The following CCDC66 variants were observed in gnomAD, a reference collection of about 807,000 sequenced individuals.
The protein encoded by CCDC66 is coiled-coil domain-containing protein 66.
A neutral mutation model predicts 128.3 loss-of-function variants in CCDC66; 133 were observed. The observed-to-expected ratio is 1.04, with a 90% CI of 0.90 to 1.20. The LOEUF is 1.20. CCDC66 is among the 50% of genes most tolerant of loss of function. The pLI is 0.00. For synonymous variants in CCDC66, 387 were observed against 357.0 expected (o/e 1.08, Z -0.95); for missense variants, 1,126 against 1,075.5 (o/e 1.05, Z -0.66).
chr3:56,580,139 A>G (rs1469268438), intron 7 of CCDC66, among the ~76,000 whole-genome samples: 1 of 151,778 alleles, frequency 6.6e-6, no homozygotes, highest in Non-Finnish European at 1.5e-5. Context: ...CTTCTTGTTG[A>G]ATTGATCCCT....
chr3:56,595,043 A>G (rs936660323), intron 10 of CCDC66, among the ~76,000 whole-genome samples: 2 of 152,228 alleles, frequency 1.3e-5, no homozygotes, highest in Admixed American at 6.5e-5. Context: ...CTTCACTTAT[A>G]TAAATAATAC....
At chr3:56,573,840 A>ACAT (rs1553672846) in intron 7 of CCDC66, among the ~76,000 whole-genome samples, 1 of 151,426 alleles carries the variant, frequency 6.6e-6, no homozygotes, top group Non-Finnish European at 1.5e-5. Flanking sequence ...CTTGGCCAAG[A>ACAT]GATCCATTCA....
At chr3:56,567,890 C>G (rs899975733) in intron 6 of CCDC66, among the ~76,000 whole-genome samples, 2 of 151,970 alleles carry the variant, frequency 1.3e-5, no homozygotes, top group African/African-American at 4.8e-5. Context: ...CGGGGTTTCA[C>G]TGTGTTAGCC....
chr3:56,612,668 G>A (rs1338370866), intron 10 of CCDC66, among the ~76,000 whole-genome samples: 2 of 152,136 alleles, frequency 1.3e-5, no homozygotes, highest in South Asian at 2.1e-4. Flanking sequence ...AATGGGCTGC[G>A]TGGGCCAGTC....
At chr3:56,619,753 C>G in intron 16 of CCDC66, 24 bp from the exon 17 acceptor site, 1 of 1,611,954 alleles carries the variant, frequency 6.2e-7, no homozygotes, top group Non-Finnish European at 8.5e-7. Context: ...AATTGACTGA[C>G]TTGTTACTTT....
chr3:56,616,621 T>G (rs1406782655), intron 13 of CCDC66: 1 of 155,564 alleles, frequency 6.4e-6, no homozygotes, highest in Non-Finnish European at 1.4e-5. Flanking sequence ...AACATTCATA[T>G]ATAGATTTTT....
At chr3:56,608,568 A>G (rs1258094223) in intron 10 of CCDC66, among the ~76,000 whole-genome samples, 2 of 123,658 alleles carry the variant, frequency 1.6e-5, no homozygotes, top group African/African-American at 2.9e-5. Context: ...TTTTCAAAGA[A>G]CCAGCTTTTT....
rs1356520485 is a variant in CCDC66, at chr3:56,587,888, TAAAAA to T, written c.937-5079_937-5075del. Among the ~76,000 whole-genome samples the T allele has an allele frequency of 6.6e-5, 10 of 151,970 alleles. No individual in the cohort carries two copies. The South Asian group carries it at 1.7e-3, about 25-fold the overall frequency. ...TCAAAAAATAAAAGTAAAATAAAAA[TAAAAA>T]AAGAACCAAAAGTAGAACTACCATT... On this transcript the variant is annotated intron_variant, in intron 7 of 17. Coordinates refer to ENST00000394672, the MANE Select transcript of CCDC66 (RefSeq NM_001141947.3).
Position 56,612,326 on chromosome 3 carries a change from G to A in CCDC66, c.1405-1263G>A, listed in dbSNP as rs2074951858. Among the ~76,000 whole-genome samples, 3 of 152,292 alleles carry A rather than the reference G, an allele frequency of 2.0e-5. No individual in the cohort carries two copies. In the South Asian group the frequency reaches 6.2e-4, roughly 32 times the overall value. Reference sequence around the variant, plus strand: ...TCTGTAATTTCCTTGGTGGCTTAGGGTGCAGTTGTTCGTGGAGGCTGTGGT... The same window carrying A: ...TCTGTAATTTCCTTGGTGGCTTAGGATGCAGTTGTTCGTGGAGGCTGTGGT... On this transcript the variant is annotated intron_variant, in intron 10 of 17. Transcript: ENST00000394672.
Position 56,571,437 on chromosome 3 carries a change from A to G in CCDC66, c.936+135A>G. 3 of 556,318 alleles carry G rather than the reference A, an allele frequency of 5.4e-6. No homozygotes were observed. The South Asian group carries it at 6.4e-5, about 12-fold the overall frequency. 34.5% of individuals were successfully genotyped at this position (556,318 alleles called of 1,614,324 possible). A position where few individuals can be genotyped will look rare whatever the true frequency, so the allele number is the denominator to read the frequency against. On this transcript the variant is annotated intron_variant, in intron 7 of 17. Transcript: ENST00000394672. ...TCTCTTGTTGCCCAGGCTGGAATGC[A>G]GTGGCACAGTCTCAGCTCACTGCAA... is the stretch of plus-strand genomic sequence containing the variant.
chr3:56,596,939 T>TTA (rs2072078741), intron 10 of CCDC66, among the ~76,000 whole-genome samples: 1 of 149,146 alleles, frequency 6.7e-6, no homozygotes, highest in Non-Finnish European at 1.5e-5. Context: ...TTTTTTTTTT[T>TTA]AGTACAGATG....
chr3:56,559,618 A>G, intron 3 of CCDC66, 24 bp downstream of exon 3: 1 of 1,506,708 alleles, frequency 6.6e-7, no homozygotes, highest in African/African-American at 1.4e-5. Context: ...CTTTGACCTG[A>G]CCTGTTTTCA....
intron 11 of CCDC66, among the ~76,000 whole-genome samples, chr3:56,614,463 A>G (rs1269232354): frequency 6.6e-6 from 1 of 152,216 alleles, no homozygotes; most frequent in Non-Finnish European, 1.5e-5. Flanking sequence ...GATTGATGAT[A>G]CAATTTGTGA....
chr3:56,604,956 CTG>C (rs2073851333), intron 10 of CCDC66, among the ~76,000 whole-genome samples: 1 of 151,990 alleles, frequency 6.6e-6, no homozygotes, highest in Admixed American at 6.6e-5. Context: ...TTCTTGGAGG[CTG>C]TGTTTGTTCT....
chr3:56,566,598 A>G lies in CCDC66; in HGVS notation c.549A>G (p.Gln183=), dbSNP rs779130645. 22 of 1,558,256 alleles carry G rather than the reference A, an allele frequency of 1.4e-5. No homozygotes were observed. The African/African-American group carries it at 1.6e-4, about 12-fold the overall frequency. Residue 183 remains glutamine, a synonymous_variant, in exon 5 of 18, where the codon CAA becomes CAG. Transcript: ENST00000394672. The stretch of plus-strand genomic sequence containing the variant: ...AACATGTATTTTACCTCCTAGGTCA[A>G]TATAGTCTATATTTAAACAGTATTT... ...LTENGKEAKS[Q]YSLYLNSISN...
chr3:56,559,987 AC>A (rs1378925805), intron 3 of CCDC66, among the ~76,000 whole-genome samples: 1 of 152,220 alleles, frequency 6.6e-6, no homozygotes, highest in African/African-American at 2.4e-5. Context: ...AATGGATTGT[AC>A]TGGACAATGC....
Position 56,617,177 on chromosome 3 carries a change from A to G in CCDC66, c.1909A>G (p.Ile637Val), listed in dbSNP as rs975830995. 4 of 1,612,690 alleles carry G rather than the reference A, an allele frequency of 2.5e-6. No homozygotes were observed. The highest frequency in any genetic ancestry group is 3.4e-6 in the Non-Finnish European group (4 of 1,179,416). Reference protein sequence around the residue: ...SHCGSLMERDITNCSSPEISA... With the variant: ...SHCGSLMERDVTNCSSPEISA... ...TTGTGGATCATTAATGGAGAGGGAC[A>G]TCACAAATTGTTCATCTCCTGAGAT... The change falls in exon 14 of 18, where the codon ATC becomes GTC. Residue 637 changes from isoleucine to valine, a missense_variant. Ile to Val is a conservative substitution (Grantham distance 29). Coordinates refer to ENST00000394672, the MANE Select transcript of CCDC66 (RefSeq NM_001141947.3).
intron 7 of CCDC66, among the ~76,000 whole-genome samples, chr3:56,583,163 G>T (rs1246498660): frequency 6.6e-6 from 1 of 151,558 alleles, no homozygotes; most frequent in Non-Finnish European, 1.5e-5. Context: ...TGCTGTGCCT[G>T]GCCAACTTTC....
intron 7 of CCDC66, among the ~76,000 whole-genome samples, chr3:56,586,266 C>T (rs1416387338): frequency 2.0e-5 from 3 of 151,916 alleles, no homozygotes; most frequent in African/African-American, 2.4e-5. Context: ...TGGTGGCTCA[C>T]GCCTGTAATC....
Sources: allele counts gnomAD v4.1 joint callset (sites outside exome capture counted in the v4.1 genomes callset), GRCh38; gene constraint gnomAD v4.1.1; transcripts MANE v1.5; gene names NCBI Gene and HGNC (gene_info 2026-07-23, HGNC 2026-07-21).